Variants in ANKRD44 observed in about 807,000 individuals in gnomAD.
ANKRD44 encodes ankyrin repeat domain 44, also known as serine/threonine-protein phosphatase 6 regulatory ankyrin repeat subunit B.
ANKRD44 carries 35 observed loss-of-function variants against 116.0 expected under a neutral mutation model. That is an observed-to-expected ratio of 0.30 (90% CI 0.23 to 0.40). The LOEUF is 0.40. Ranked by LOEUF, ANKRD44 falls within the 10% of genes least tolerant of loss-of-function variation. The pLI is 1.00. For synonymous variants in ANKRD44, 435 were observed against 461.8 expected, an observed-to-expected ratio of 0.94 and a Z score of 0.74; for missense variants, 1,014 against 1,242.6, an observed-to-expected ratio of 0.82 and a Z score of 2.77.
intron 13 of ANKRD44, among the ~76,000 whole-genome samples, 165 bp downstream of exon 13, chr2:197,086,515 T>A (rs1025371979): frequency 6.6e-6 from 1 of 152,204 alleles, no homozygotes; most frequent in South Asian, 2.1e-4. Context: ...TGACTTGTTA[T>A]TTGCTTTGTT....
chr2:197,163,138 C>G (rs2080011802), intron 2 of ANKRD44, among the ~76,000 whole-genome samples: 1 of 152,242 alleles, frequency 6.6e-6, no homozygotes, highest in South Asian at 2.1e-4. Context: ...TCAGAACCCT[C>G]AGCCCTTCAG....
intron 16 of ANKRD44, among the ~76,000 whole-genome samples, chr2:197,026,285 G>C (rs2076593562): frequency 6.6e-6 from 1 of 152,164 alleles, no homozygotes; most frequent in South Asian, 2.1e-4. Flanking sequence ...TACTATAAAA[G>C]AAAGAAGTTT....
chr2:197,259,030 C>A (rs1439158676), intron 1 of ANKRD44, among the ~76,000 whole-genome samples: 2 of 152,190 alleles, frequency 1.3e-5, no homozygotes, highest in African/African-American at 4.8e-5. Context: ...TCTCAACCAC[C>A]TACCAAATCT....
chr2:197,112,686 C>T (rs1161653043), intron 8 of ANKRD44, among the ~76,000 whole-genome samples: 3 of 134,816 alleles, frequency 2.2e-5, no homozygotes, highest in South Asian at 2.3e-4. Context: ...CCAGCCTGGG[C>T]GACAGAGCGA....
chr2:196,970,837 G>A (rs2075710130), intron 21 of ANKRD44, among the ~76,000 whole-genome samples: 1 of 152,088 alleles, frequency 6.6e-6, no homozygotes, highest in African/African-American at 2.4e-5. Context: ...GGGTAGCTGG[G>A]ACTACAGGCA....
At chr2:197,055,279 T>C (rs768171328) in intron 16 of ANKRD44, among the ~76,000 whole-genome samples, 1 of 152,204 alleles carries the variant, frequency 6.6e-6, no homozygotes, top group Non-Finnish European at 1.5e-5. Flanking sequence ...CATTTTTCTA[T>C]TGGGTTATCT....
chr2:197,134,809 C>G (rs577588367), intron 4 of ANKRD44: 1 of 152,154 alleles, frequency 6.6e-6, no homozygotes, highest in South Asian at 2.1e-4. Flanking sequence ...GGAAACAAAT[C>G]CATACATATT....
At chr2:197,304,624 C>A (rs2084016000) in intron 1 of ANKRD44, among the ~76,000 whole-genome samples, 1 of 152,200 alleles carries the variant, frequency 6.6e-6, no homozygotes, top group Admixed American at 6.5e-5. Flanking sequence ...CCAGTCCAAC[C>A]TCTTCATTTT....
chr2:197,211,906 C>T (rs761700366), intron 1 of ANKRD44, among the ~76,000 whole-genome samples: 4 of 152,056 alleles, frequency 2.6e-5, no homozygotes, highest in African/African-American at 4.8e-5. Context: ...GCCAAAGGAA[C>T]ACAAGCACCT....
chr2:197,219,669 A>T (rs1239745926), intron 1 of ANKRD44, among the ~76,000 whole-genome samples: 2 of 152,238 alleles, frequency 1.3e-5, no homozygotes, highest in Non-Finnish European at 2.9e-5. Context: ...AAGGTTCCCG[A>T]GGACAATCAT....
At chr2:196,978,901 A>T (rs1250620810) in intron 21 of ANKRD44, among the ~76,000 whole-genome samples, 50 of 146,810 alleles carry the variant, frequency 3.4e-4, no homozygotes, top group African/African-American at 1.1e-3. Flanking sequence ...TATTGTTTTA[A>T]AAAAAAAAAA....
intron 2 of ANKRD44, among the ~76,000 whole-genome samples, chr2:197,169,696 TG>T (rs2080180994): frequency 6.6e-6 from 1 of 152,150 alleles, no homozygotes; most frequent in Non-Finnish European, 1.5e-5. Flanking sequence ...GGCCCCACCC[TG>T]GACCTCCCAA....
chr2:197,269,756 A>G (rs951539334), intron 1 of ANKRD44, among the ~76,000 whole-genome samples: 1 of 152,152 alleles, frequency 6.6e-6, no homozygotes, highest in Non-Finnish European at 1.5e-5. Flanking sequence ...CATGGGAGGT[A>G]TAAGTACCCT....
Position 197,187,057 on chromosome 2 carries a change from A to G in ANKRD44, c.77T>C (p.Met26Thr). 6.2e-7 allele frequency: 1 copy of G among 1,614,164 alleles called. No individual in the cohort carries two copies. The highest frequency in any genetic ancestry group is 8.5e-7 in the Non-Finnish European group (1 of 1,180,036). ...IFSGDPEEIR[M>T]LIHKTEDVNT... The stretch of plus-strand genomic sequence containing the variant: ...CACATCTTCAGTTTTATGGATGAGC[A>G]TCCGGATCTCCTCTGGATCACCGCT... The change falls in exon 2 of 28, where the codon ATG becomes ACG. Residue 26 changes from methionine (M) to threonine (T), a missense_variant. Met to Thr is a moderately conservative substitution (Grantham distance 81). Coordinates refer to ENST00000282272, the MANE Select transcript of ANKRD44 (RefSeq NM_001195144.2).
chr2:196,990,507 G>C (rs562163413), intron 27 of ANKRD44: 1 of 1,227,224 alleles, frequency 8.1e-7, no homozygotes, highest in Admixed American at 4.2e-5. Flanking sequence ...GGGGCCATCT[G>C]TGTGACTGTT....
chr2:197,292,490 T>G (rs2083601049), intron 1 of ANKRD44, among the ~76,000 whole-genome samples: 1 of 152,224 alleles, frequency 6.6e-6, no homozygotes, highest in Admixed American at 6.5e-5. Context: ...AGTGTTTAAA[T>G]TCCATTCAAC....
chr2:196,996,687 G>T (rs984069382), intron 25 of ANKRD44, among the ~76,000 whole-genome samples: 3 of 151,950 alleles, frequency 2.0e-5, no homozygotes. Context: ...GGCGGATCAC[G>T]AGGTCAGGAG....
intron 1 of ANKRD44, among the ~76,000 whole-genome samples, chr2:197,250,263 G>A (rs2082285902): frequency 6.6e-6 from 1 of 152,134 alleles, no homozygotes; most frequent in Admixed American, 6.5e-5. Context: ...CATCACACAA[G>A]GATGTCCAAA....
intron 17 of ANKRD44, among the ~76,000 whole-genome samples, chr2:197,018,941 T>C (rs189673334): frequency 1.1e-4 from 16 of 152,086 alleles, no homozygotes; most frequent in African/African-American, 2.9e-4. Context: ...ATCACTTAGT[T>C]AGTAAGTGAC....
Sources: allele counts gnomAD v4.1 joint callset (sites outside exome capture counted in the v4.1 genomes callset), GRCh38; gene constraint gnomAD v4.1.1; transcripts MANE v1.5; gene names NCBI Gene and HGNC (gene_info 2026-07-23, HGNC 2026-07-21).